The following HEBP1 variants were observed in gnomAD, a reference collection of about 807,000 sequenced individuals.
The protein encoded by HEBP1 is heme-binding protein 1.
HEBP1 carries 13 observed loss-of-function variants against 20.4 expected under a neutral mutation model. That is an observed-to-expected ratio of 0.64 (90% CI 0.42 to 1.01). The LOEUF is 1.01. Ranked by LOEUF, HEBP1 falls within the 50% of genes least tolerant of loss-of-function variation. The pLI, the probability that HEBP1 is intolerant of heterozygous loss-of-function variation, is 0.00. For missense variants in HEBP1, 241 were observed against 247.3 expected, an observed-to-expected ratio of 0.97 and a Z score of 0.17; for synonymous variants, 92 against 90.7, an observed-to-expected ratio of 1.01 and a Z score of -0.08.
At chr12:12,987,627 T>TCTCC (rs2136545454) in intron 2 of HEBP1, among the ~76,000 whole-genome samples, 2 of 151,574 alleles carry the variant, frequency 1.3e-5, no homozygotes, top group South Asian at 4.2e-4. Flanking sequence ...TCTCTCTCTC[T>TCTCC]CTCTCTCTTT....
intron 3 of HEBP1, among the ~76,000 whole-genome samples, chr12:12,978,226 T>TG (rs1864024295): frequency 7.2e-6 from 1 of 139,154 alleles, no homozygotes; most frequent in African/African-American, 2.8e-5. Context: ...TTTTTTTTTT[T>TG]TTGAGACAGA....
chr12:12,986,963 A>G lies in HEBP1; in HGVS notation c.398+189T>C, dbSNP rs1864160207. 5.1e-6 allele frequency: 3 copies of G among 588,966 alleles called. No homozygotes were observed. The East Asian group carries it at 8.4e-5, about 17-fold the overall frequency. The allele number at this position is 588,966 out of a possible 1,614,324, so 36.5% of individuals were successfully genotyped here. A position where few individuals can be genotyped will look rare whatever the true frequency, so the allele number is the denominator to read the frequency against. On this transcript the variant is annotated intron_variant, in intron 3 of 3. Transcript: ENST00000014930. The surrounding 1 kb of genome is among the most constrained non-coding windows in gnomAD (Gnocchi z 4.3). ...GCAACTGGCCAAGGCATTTATTCTG[A>G]TAAAATGCAAATGTGTGTGTGCTGC...
chr12:12,982,514 C>G (rs1351479361), intron 3 of HEBP1, among the ~76,000 whole-genome samples: 1 of 152,146 alleles, frequency 6.6e-6, no homozygotes, highest in Non-Finnish European at 1.5e-5. Context: ...CTCTTTCTTC[C>G]AAACTTCTCT....
At chr12:12,993,397 G>T (rs1013855862) in intron 1 of HEBP1, among the ~76,000 whole-genome samples, 1 of 150,266 alleles carries the variant, frequency 6.7e-6, no homozygotes, top group Non-Finnish European at 1.5e-5. Flanking sequence ...GTTTCACCAC[G>T]TTGCCCAAGC....
chr12:12,985,883 C>T (rs890038998), intron 3 of HEBP1: 2 of 152,102 alleles, frequency 1.3e-5, no homozygotes, highest in Non-Finnish European at 2.9e-5. Context: ...AAATAAAATA[C>T]AAGTTCATTT....
At chr12:12,990,115 TGCACACACAC>T (rs1217994904) in intron 1 of HEBP1, among the ~76,000 whole-genome samples, 2 of 73,010 alleles carry the variant, frequency 2.7e-5, no homozygotes, top group East Asian at 8.7e-4. Context: ...CTACTCTCTG[TGCACACACAC>T]ACACACACAC....
chr12:12,980,624 T>A (rs1384139505), intron 3 of HEBP1: 2 of 151,480 alleles, frequency 1.3e-5, no homozygotes, highest in Non-Finnish European at 2.9e-5. Context: ...TGTGGAGGGT[T>A]GAGAGGAGCT....
intron 3 of HEBP1, chr12:12,978,923 A>G (rs933722647): frequency 1.7e-4 from 26 of 152,226 alleles, no homozygotes; most frequent in African/African-American, 5.5e-4. Context: ...GTGTCTGACC[A>G]TGTAAAAATC....
At position 12,987,132 on chromosome 12, in the gene HEBP1, C is replaced by G. The variant is rs373841020; in HGVS notation, c.398+20G>C. The stretch of plus-strand genomic sequence containing the variant: ...GGAATCAAGCGCCACCCATGGATGC[C>G]TGAAGGATTGTCTCCTTACATGGAA... On this transcript the variant is annotated intron_variant, in intron 3 of 3. Coordinates refer to ENST00000014930, the MANE Select transcript of HEBP1 (RefSeq NM_015987.5). The G allele has an allele frequency of 3.1e-6, 5 of 1,604,748 alleles. No individual in the cohort carries two copies. In the African/African-American group the frequency reaches 6.7e-5, roughly 21 times the overall value.
At chr12:12,991,671 A>T (rs1466514710) in intron 1 of HEBP1, among the ~76,000 whole-genome samples, 1 of 152,246 alleles carries the variant, frequency 6.6e-6, no homozygotes, top group Non-Finnish European at 1.5e-5. Flanking sequence ...CACAAGAAGG[A>T]AAGCATTTTT....
rs79673605 is a variant in HEBP1, at chr12:12,996,173, G to T, written c.78+3864C>A. The stretch of plus-strand genomic sequence containing the variant: ...ATTTCTCCAATAACCCTGTGAAGAA[G>T]TTAGGGCTTTAATCTTCATTTTCAG... On this transcript the variant is annotated intron_variant, in intron 1 of 3. Transcript: ENST00000014930. This position sits in a 1 kb window ranked among gnomAD's most constrained non-coding sequence, Gnocchi z 4.1. 2.5e-3 allele frequency among the ~76,000 whole-genome samples: 385 copies of T among 152,354 alleles called. 2 individuals are homozygous for T. Among genetic ancestry groups the T allele is most frequent in the Non-Finnish European group, 3.5e-3 (236 of 68,040 alleles).
In HEBP1 at chr12:13,000,113, ATGT is replaced by A. The variant is rs1438223073; in HGVS notation, c.-2_1del. ...CAGCGAGTTCTTGATCATGCCCAAC[ATGT>A]TGTAGCCGAGACGCTCCCGACGCAC... is the stretch of plus-strand genomic sequence containing the variant. On this transcript the variant is annotated start_lost and start_retained_variant and 5_prime_UTR_variant, in exon 1 of 4. Transcript: ENST00000014930. 8 of 1,606,396 alleles carry A rather than the reference ATGT, an allele frequency of 5.0e-6. No homozygotes were observed. Among genetic ancestry groups the A allele is most frequent in the East Asian group, 2.3e-5 (1 of 44,442 alleles).
intron 3 of HEBP1, among the ~76,000 whole-genome samples, chr12:12,982,083 A>G (rs1864092692): frequency 6.6e-6 from 1 of 152,158 alleles, no homozygotes; most frequent in Non-Finnish European, 1.5e-5. Flanking sequence ...TTGGCCTCCC[A>G]AAGTACTAGA....
At position 12,976,642 on chromosome 12, in the gene HEBP1, T is replaced by C. The variant is rs76027266; in HGVS notation, c.399-1163A>G. 5.6e-3 allele frequency among the ~76,000 whole-genome samples: 857 copies of C among 152,348 alleles called. 28 individuals are homozygous for C. The highest frequency in any genetic ancestry group is 8.5e-3 in the East Asian group (44 of 5,192). On this transcript the variant is annotated intron_variant, in intron 3 of 3. Transcript: ENST00000014930. ...AGCATGTGGATTGCAGCATCACTGA[T>C]GTGAACACCCAGGATGTTTTCTGTA...
At chr12:12,999,397 T>C (rs746478515) in intron 1 of HEBP1, among the ~76,000 whole-genome samples, 3 of 152,226 alleles carry the variant, frequency 2.0e-5, no homozygotes, top group Non-Finnish European at 4.4e-5. Flanking sequence ...GTTACTTCAA[T>C]ACCGCCACGG....
chr12:12,981,569 G>C (rs1439459466), intron 3 of HEBP1, among the ~76,000 whole-genome samples: 1 of 152,206 alleles, frequency 6.6e-6, no homozygotes, highest in Non-Finnish European at 1.5e-5. Flanking sequence ...ATAAATGTTT[G>C]TCAAATCAAA....
At position 12,998,719 on chromosome 12, in the gene HEBP1, G is replaced by A. The variant is rs1245496771; in HGVS notation, c.78+1318C>T. 6.6e-6 allele frequency among the ~76,000 whole-genome samples: 1 copy of A among 152,178 alleles called. No individual in the cohort carries two copies. The highest frequency in any genetic ancestry group is 2.4e-5 in the African/African-American group (1 of 41,442). ...CTAGGTATCAGAACTTGGCCCCCAG[G>A]CAATACAGTCCTTTCACAAATGAGG... On this transcript the variant is annotated intron_variant, in intron 1 of 3. Coordinates refer to ENST00000014930, the MANE Select transcript of HEBP1 (RefSeq NM_015987.5). The surrounding 1 kb of genome is among the most constrained non-coding windows in gnomAD (Gnocchi z 4.2).
In HEBP1 at chr12:12,986,454, C is replaced by T. The variant is rs1304032937; in HGVS notation, c.398+698G>A. On this transcript the variant is annotated intron_variant, in intron 3 of 3. Transcript: ENST00000014930. This position sits in a 1 kb window ranked among gnomAD's most constrained non-coding sequence, Gnocchi z 4.3. The stretch of plus-strand genomic sequence containing the variant: ...ACCTATGATTACTTCTGGTGAAGAT[C>T]CTGGTCTTTCCCTGAGCCTGGTTTG... 1 of 152,248 alleles carries T rather than the reference C, an allele frequency of 6.6e-6. No individual in the cohort carries two copies. The highest frequency in any genetic ancestry group is 6.5e-5 in the Admixed American group (1 of 15,288). 9.4% of individuals were successfully genotyped at this position (152,248 alleles called of 1,614,324 possible). A position where few individuals can be genotyped will look rare whatever the true frequency, so the allele number is the denominator to read the frequency against.
intron 3 of HEBP1, chr12:12,983,445 G>A (rs957105379): frequency 1.2e-4 from 35 of 298,372 alleles, no homozygotes; most frequent in African/African-American, 7.0e-4. Flanking sequence ...AAGACTGAAT[G>A]AAGGACGCCA....
Sources: gnomAD v4.1 joint callset for allele counts (sites outside exome capture counted in the v4.1 genomes callset) on GRCh38, gnomAD v4.1.1 for gene constraint, Gnocchi (gnomAD v3.1) non-coding constraint, MANE v1.5 for transcripts, NCBI Gene and HGNC (gene_info 2026-07-23, HGNC 2026-07-21) for gene names.